The following CFAP46 variants were observed in gnomAD, a reference collection of about 807,000 sequenced individuals.
CFAP46 encodes cilia and flagella associated protein 46.
In CFAP46, 245 loss-of-function variants were observed where a neutral mutation model predicts 325.7. The observed-to-expected ratio is 0.75, with a 90% CI of 0.68 to 0.84. The LOEUF (loss-of-function observed/expected upper bound fraction) is 0.84. Among genes scored for constraint, CFAP46 ranks in the 40% least tolerant of loss-of-function variants. The pLI, the probability that CFAP46 is intolerant of heterozygous loss-of-function variation, is 0.00. For synonymous variants in CFAP46, 1,523 were observed against 1,495.9 expected (o/e 1.02, Z -0.42); for missense variants, 3,346 against 3,543.0 (o/e 0.94, Z 1.41).
chr10:132,941,986 G>A lies in CFAP46; in HGVS notation c.168C>T (p.Ala56=), dbSNP rs1850110716. ...GATCCCGGGAACTAGTTACCTTCAG[G>A]GCCTGCTCTGCACACAGAACAAACA... ...PDLFVLCAEQ[A]LKMRQPEVSE... The change falls in exon 2 of 58, where the codon GCC becomes GCT. Residue 56 remains alanine (A), a synonymous_variant. Transcript: ENST00000368586. 1 of 1,551,662 alleles carries A rather than the reference G, an allele frequency of 6.4e-7. No individual in the cohort carries two copies. Among genetic ancestry groups the A allele is most frequent in the Non-Finnish European group, 8.7e-7 (1 of 1,147,060 alleles).
chr10:132,871,780 T>C lies in CFAP46; in HGVS notation c.4511+896A>G, dbSNP rs148710095. Among the ~76,000 whole-genome samples the C allele has an allele frequency of 2.8e-3, 430 of 152,316 alleles. 2 individuals carry two copies. The highest frequency in any genetic ancestry group is 0.01 in the Middle Eastern group (3 of 294). ...AAAGATGCTGTGAACACTGTGGAAA[T>C]GACAAAAGGGACCTAGAATATTCCA... On this transcript the variant is annotated intron_variant, in intron 32 of 57. Transcript: ENST00000368586.
chr10:132,831,410 T>C (rs1027263001), intron 50 of CFAP46, among the ~76,000 whole-genome samples: 1 of 152,132 alleles, frequency 6.6e-6, no homozygotes, highest in Non-Finnish European at 1.5e-5. Flanking sequence ...GTCTCGTGTG[T>C]TTTACGGGGA....
chr10:132,867,778 C>T (rs1848838270), intron 33 of CFAP46, among the ~76,000 whole-genome samples: 1 of 152,228 alleles, frequency 6.6e-6, no homozygotes, highest in African/African-American at 2.4e-5. Flanking sequence ...CTCCATCTCT[C>T]CGGCGTGCCC....
At chr10:132,860,596 G>T (rs1165397015) in intron 36 of CFAP46, 73 bp from the exon 37 acceptor site, 57 of 1,265,040 alleles carry the variant, frequency 4.5e-5, no homozygotes, top group Non-Finnish European at 6.1e-5. Flanking sequence ...GAGGACGGGC[G>T]GGCAGGGACA....
Position 132,847,120 on chromosome 10 carries a change from C to G in CFAP46, c.6088-9G>C. 1 of 1,608,620 alleles carries G rather than the reference C, an allele frequency of 6.2e-7. No homozygotes were observed. The highest frequency in any genetic ancestry group is 8.5e-7 in the Non-Finnish European group (1 of 1,177,878). Reference sequence around the variant, plus strand: ...GCCAGAACCATCCTCCTCTGTGGGGCACAAGGCTCAGGCTCAGGCCAGGCT... The same window carrying G: ...GCCAGAACCATCCTCCTCTGTGGGGGACAAGGCTCAGGCTCAGGCCAGGCT... On this transcript the variant is annotated splice_polypyrimidine_tract_variant and intron_variant, in intron 42 of 57. Coordinates refer to ENST00000368586, the MANE Select transcript of CFAP46 (RefSeq NM_001200049.3). This position sits in a 1 kb window ranked among gnomAD's most constrained non-coding sequence, Gnocchi z 5.2.
At chr10:132,870,207 C>T (rs958163047) in intron 32 of CFAP46, among the ~76,000 whole-genome samples, 9 of 152,210 alleles carry the variant, frequency 5.9e-5, no homozygotes, top group South Asian at 2.1e-4. Context: ...ATAAATGTCC[C>T]GTGGGCTCTG....
intron 33 of CFAP46, among the ~76,000 whole-genome samples, chr10:132,868,554 T>C (rs7914850): frequency 0.062 from 9,394 of 152,260 alleles, 694 homozygotes; most frequent in African/African-American, 0.17. Flanking sequence ...TGAAAGGGTA[T>C]AGAGAGCTTA....
Position 132,909,140 on chromosome 10 carries a change from G to A in CFAP46, c.2754C>T (p.Ala918=). 1 of 1,548,280 alleles carries A rather than the reference G, an allele frequency of 6.5e-7. No individual in the cohort carries two copies. Among genetic ancestry groups the A allele is most frequent in the Non-Finnish European group, 8.7e-7 (1 of 1,146,000 alleles). The part of the protein sequence containing the change: ...GLMDFTVPSL[A]QLVKMASECN... Reference sequence around the variant, plus strand: ...CGGGACCCCTGGGGACACCTACCTGGGCCAGGGAGGGGACAGTGAAGTCCA... The same window carrying A: ...CGGGACCCCTGGGGACACCTACCTGAGCCAGGGAGGGGACAGTGAAGTCCA... The change falls in exon 21 of 58, where the codon GCC becomes GCT. Residue 918 remains alanine, a synonymous_variant. Coordinates refer to ENST00000368586, the MANE Select transcript of CFAP46 (RefSeq NM_001200049.3).
rs1478393615 is a variant in CFAP46 at position 132,814,746 on chromosome 10, C to T, written c.7189G>A (p.Gly2397Ser). 6 of 1,613,714 alleles carry T rather than the reference C, an allele frequency of 3.7e-6. No homozygotes were observed. Among genetic ancestry groups the T allele is most frequent in the Non-Finnish European group, 4.2e-6 (5 of 1,179,808 alleles). Residue 2397 changes from glycine (G) to serine (S), a missense_variant and splice_region_variant, in exon 52 of 58, where the codon GGC becomes AGC. Transcript: ENST00000368586. Reference protein sequence around the residue: ...KRSLAKKGRKGSIPRTIPPDC... With the variant: ...KRSLAKKGRKSSIPRTIPPDC... ...GGGGGGATGGTCCGGGGGATGCTGC[C>T]CTGCAACCACAGACCAGGGTCAGCA...
chr10:132,913,361 GAAGT>G, intron 17 of CFAP46, 103 bp from the exon 18 acceptor site: 1 of 377,112 alleles, frequency 2.7e-6, no homozygotes, highest in Non-Finnish European at 5.4e-6. Context: ...TGCAGGGCAA[GAAGT>G]GGGAGGGGCG....
chr10:132,826,890 G>T (rs1483250904), intron 50 of CFAP46, among the ~76,000 whole-genome samples: 4 of 152,252 alleles, frequency 2.6e-5, no homozygotes, highest in African/African-American at 9.6e-5. Context: ...TGGCTTTGCA[G>T]TACAGTCAGG....
chr10:132,872,836 C>T lies in CFAP46; in HGVS notation c.4363-12G>A, dbSNP rs1848912049. ...TACAAACTGTATGTCTACATGGACA[C>T]ATAACACACACAGGAGGTCACAGGA... On this transcript the variant is annotated splice_polypyrimidine_tract_variant and intron_variant, in intron 31 of 57. Transcript: ENST00000368586. The T allele has an allele frequency of 3.2e-6, 5 of 1,550,838 alleles. No homozygotes were observed. The highest frequency in any genetic ancestry group is 4.4e-6 in the Non-Finnish European group (5 of 1,146,974).
At chr10:132,941,942 C>G in intron 2 of CFAP46, 38 bp downstream of exon 2, 1 of 1,548,750 alleles carries the variant, frequency 6.5e-7, no homozygotes, top group East Asian at 2.4e-5. Flanking sequence ...CTCTCCCTGT[C>G]AAAGCTGCCC....
chr10:132,898,544 A>G (rs1283997215), intron 24 of CFAP46: 4 of 315,812 alleles, frequency 1.3e-5, no homozygotes, highest in African/African-American at 2.2e-5. Flanking sequence ...TTAAGCCGCC[A>G]GAGGCACCTG....
chr10:132,815,605 C>T (rs1847679501), intron 50 of CFAP46, among the ~76,000 whole-genome samples: 1 of 152,160 alleles, frequency 6.6e-6, no homozygotes, highest in Admixed American at 6.5e-5. Context: ...TGCACTGTTC[C>T]TCTAGGACAT....
rs762901341 is a variant in CFAP46, at chr10:132,885,155, G to C, written c.3575C>G (p.Pro1192Arg). ...GCAGGCCAGCTCTCCAGACACGCTC[G>C]GCGAGTTCAGGGCCAGGCGGTGCCA... ...RMWHRLALNS[P>R]SVSGELACYN... The change falls in exon 27 of 58, where the codon CCG becomes CGG. Residue 1192 changes from proline (P) to arginine (R), a missense_variant. Physicochemically the swap from Pro to Arg is moderately radical, Grantham distance 103. Transcript: ENST00000368586. 6.5e-7 allele frequency: 1 copy of C among 1,550,354 alleles called. No homozygotes were observed. The highest frequency in any genetic ancestry group is 1.2e-5 in the South Asian group (1 of 84,032).
intron 19 of CFAP46, among the ~76,000 whole-genome samples, chr10:132,911,395 A>G (rs1409814240): frequency 6.6e-6 from 1 of 152,206 alleles, no homozygotes; most frequent in African/African-American, 2.4e-5. Context: ...TCCATGGCCC[A>G]GAAAGGGTCA....
rs1476876560 is a variant in CFAP46 at position 132,828,418 on chromosome 10, G to T, written c.7117+4940C>A. ...AACAGGTGTGCAGGGGTATTCCATT[G>T]TGGTTTCCATTTGCATTTCCTTGAT... is the stretch of plus-strand genomic sequence containing the variant. On this transcript the variant is annotated intron_variant, in intron 50 of 57. Coordinates refer to ENST00000368586, the MANE Select transcript of CFAP46 (RefSeq NM_001200049.3). The surrounding 1 kb of genome is among the most constrained non-coding windows in gnomAD (Gnocchi z 4.9). Among the ~76,000 whole-genome samples the T allele has an allele frequency of 6.6e-6, 1 of 151,966 alleles. No individual in the cohort carries two copies. The highest frequency in any genetic ancestry group is 1.5e-5 in the Non-Finnish European group (1 of 68,038).
At chr10:132,862,221 A>T (rs971293491) in intron 35 of CFAP46, among the ~76,000 whole-genome samples, 1 of 152,038 alleles carries the variant, frequency 6.6e-6, no homozygotes, top group African/African-American at 2.4e-5. Flanking sequence ...TGAGGAGGGA[A>T]GAGGGGGAGG....
Sources: gnomAD v4.1 joint callset for allele counts (sites outside exome capture counted in the v4.1 genomes callset) on GRCh38, gnomAD v4.1.1 for gene constraint, Gnocchi (gnomAD v3.1) non-coding constraint, MANE v1.5 for transcripts, NCBI Gene and HGNC (gene_info 2026-07-23, HGNC 2026-07-21) for gene names.